The following FARP2 variants were observed in gnomAD, a reference collection of about 807,000 sequenced individuals.
The protein encoded by FARP2 is FERM, ARHGEF and pleckstrin domain-containing protein 2.
FARP2 carries 111 observed loss-of-function variants against 130.5 expected under a neutral mutation model. That is an observed-to-expected ratio of 0.85 (90% CI 0.73 to 1.00). The LOEUF is 1.00. Among genes scored for constraint, FARP2 ranks in the 50% least tolerant of loss-of-function variants. The pLI is 0.00. For synonymous variants in FARP2, 504 were observed against 516.9 expected, an observed-to-expected ratio of 0.98 and a Z score of 0.34; for missense variants, 1,385 against 1,346.3, an observed-to-expected ratio of 1.03 and a Z score of -0.45.
intron 17 of FARP2, 22 bp from the exon 18 acceptor site, chr2:241,468,118 C>T (rs754540124): frequency 1.3e-6 from 2 of 1,496,632 alleles, no homozygotes; most frequent in Admixed American, 1.7e-5. Context: ...CACCTAAAGG[C>T]CCCACTCTTG....
In FARP2 at chr2:241,476,206, C is replaced by A. The variant is rs907800868; in HGVS notation, c.2262+219C>A. 6.8e-4 allele frequency among the ~76,000 whole-genome samples: 85 copies of A among 124,198 alleles called. 1 individual carries two copies. The highest frequency in any genetic ancestry group is 2.3e-3 in the African/African-American group (74 of 32,502). The allele number at this position is 124,198 out of a possible 152,430, so 81.5% of individuals were successfully genotyped here. The stretch of plus-strand genomic sequence containing the variant: ...TGAGCAACACAGGGAAACCCCATTT[C>A]TATGAATTAAAAAAAAAAAAAAAAA... On this transcript the variant is annotated intron_variant, in intron 19 of 26. Transcript: ENST00000264042.
rs1211785904 is a variant in FARP2 at position 241,459,325 on chromosome 2, C to T, written c.1587+2403C>T. Among the ~76,000 whole-genome samples the T allele has an allele frequency of 6.6e-6, 1 of 152,220 alleles. No individual in the cohort carries two copies. Among genetic ancestry groups the T allele is most frequent in the African/African-American group, 2.4e-5 (1 of 41,474 alleles). On this transcript the variant is annotated intron_variant, in intron 14 of 26. Coordinates refer to ENST00000264042, the MANE Select transcript of FARP2 (RefSeq NM_014808.4). The surrounding 1 kb of genome is among the most constrained non-coding windows in gnomAD (Gnocchi z 5.3). The stretch of plus-strand genomic sequence containing the variant: ...GTTCTGCTGGCAAGGCCTGGCAGAC[C>T]ACTCTCCTGGGGAGCCAGGGTGACA...
At chr2:241,473,861 C>T (rs1357908603) in intron 18 of FARP2, among the ~76,000 whole-genome samples, 1 of 152,186 alleles carries the variant, frequency 6.6e-6, no homozygotes, top group East Asian at 1.9e-4. Context: ...TGAAGTTCTT[C>T]CTCATTTTCA....
intron 2 of FARP2, among the ~76,000 whole-genome samples, chr2:241,381,775 G>A (rs2061668755): frequency 1.3e-5 from 2 of 152,162 alleles, no homozygotes; most frequent in Non-Finnish European, 2.9e-5. Context: ...TATTTTTCAA[G>A]TTATATGATT....
intron 20 of FARP2, 21 bp downstream of exon 20, chr2:241,483,554 A>G: frequency 1.9e-6 from 3 of 1,610,088 alleles, no homozygotes; most frequent in Non-Finnish European, 2.6e-6. Flanking sequence ...TCCCCACTCA[A>G]GCTGTGCTTC....
chr2:241,432,467 A>G (rs2063118095), intron 9 of FARP2, among the ~76,000 whole-genome samples: 1 of 152,202 alleles, frequency 6.6e-6, no homozygotes, highest in Non-Finnish European at 1.5e-5. Context: ...GAAGCTGAAG[A>G]ACAAAGTGCT....
intron 21 of FARP2, 161 bp from the exon 22 acceptor site, chr2:241,489,801 C>A: frequency 1.7e-6 from 1 of 578,088 alleles, no homozygotes. Context: ...GCAGGGATAC[C>A]AGTGTCCTCC....
chr2:241,465,751 A>G, intron 17 of FARP2: 3 of 1,550,674 alleles, frequency 1.9e-6, no homozygotes, highest in Non-Finnish European at 2.6e-6. Context: ...CACAGTGACG[A>G]CGACGACTCA....
At position 241,418,857 on chromosome 2, in the gene FARP2, C is replaced by T. The variant is rs140685797; in HGVS notation, c.771+748C>T. Among the ~76,000 whole-genome samples the T allele has an allele frequency of 3.3e-3, 509 of 152,260 alleles. 1 individual carries two copies. Among genetic ancestry groups the T allele is most frequent in the Middle Eastern group, 0.031 (9 of 294 alleles). On this transcript the variant is annotated intron_variant, in intron 8 of 26. Transcript: ENST00000264042. ...GGGGGCTCCCCAAGTCCCCTCGCAC[C>T]CAGGCTAAATATGTCCAACTTGTCT...
intron 17 of FARP2, among the ~76,000 whole-genome samples, chr2:241,467,654 A>AAG: frequency 6.6e-6 from 1 of 152,084 alleles, no homozygotes; most frequent in East Asian, 1.9e-4. Context: ...AAAAAAAAAA[A>AAG]AAAAGTCAGG....
At chr2:241,427,233 C>T (rs1379972175) in intron 8 of FARP2, among the ~76,000 whole-genome samples, 2 of 150,514 alleles carry the variant, frequency 1.3e-5, no homozygotes, top group Admixed American at 6.6e-5. Context: ...GAAACTCTGT[C>T]TCAAAACACA....
intron 6 of FARP2, 144 bp from the exon 7 acceptor site, chr2:241,413,163 A>G (rs1231676198): frequency 1.8e-6 from 1 of 566,894 alleles, no homozygotes; most frequent in Non-Finnish European, 3.1e-6. Flanking sequence ...TGGAAAAATT[A>G]AATAAAAAAT....
intron 8 of FARP2, among the ~76,000 whole-genome samples, chr2:241,418,415 G>A (rs1219533967): frequency 6.6e-6 from 1 of 152,060 alleles, no homozygotes; most frequent in East Asian, 1.9e-4. Context: ...CTGCCTCTGG[G>A]ACTTCGCATT....
rs556893470 is a variant in FARP2 at position 241,492,916 on chromosome 2, C to G, written c.2788-13C>G. On this transcript the variant is annotated splice_polypyrimidine_tract_variant and intron_variant, in intron 24 of 26. Transcript: ENST00000264042. ...TGCTGGTTAATGCACCTGCATTTTT[C>G]CTTTATTGACAGAACCAGCTTTCAG... is the stretch of plus-strand genomic sequence containing the variant. The G allele has an allele frequency of 1.3e-6, 2 of 1,542,436 alleles. No individual in the cohort carries two copies. The highest frequency in any genetic ancestry group is 1.8e-6 in the Non-Finnish European group (2 of 1,115,122).
At chr2:241,434,602 A>T (rs2063172114) in intron 10 of FARP2, among the ~76,000 whole-genome samples, 1 of 152,250 alleles carries the variant, frequency 6.6e-6, no homozygotes, top group South Asian at 2.1e-4. Context: ...CTGTAATCCC[A>T]GCACTTTGGA....
chr2:241,422,413 A>T (rs115208812), intron 8 of FARP2, among the ~76,000 whole-genome samples: 3 of 151,930 alleles, frequency 2.0e-5, no homozygotes, highest in Non-Finnish European at 4.4e-5. Flanking sequence ...AAAAAAAAAA[A>T]CAGAAAACAA....
Position 241,491,586 on chromosome 2 carries a change from G to A in FARP2, c.2694G>A (p.Glu898=), listed in dbSNP as rs1002552506. The A allele has an allele frequency of 6.2e-7, 1 of 1,613,892 alleles. No individual in the cohort carries two copies. The highest frequency in any genetic ancestry group is 8.5e-7 in the Non-Finnish European group (1 of 1,180,008). Residue 898 remains glutamate (E), a synonymous_variant, in exon 24 of 27, where the codon GAG becomes GAA. Coordinates refer to ENST00000264042, the MANE Select transcript of FARP2 (RefSeq NM_014808.4). ...CTCGGGGTGTCCGCAGCTCCCTGGA[G>A]GGGCATGGCCAGCACCGGGCCAACA... ...DDARGVRSSL[E]GHGQHRANTT...
Position 241,363,950 on chromosome 2 carries a change from TG to T in FARP2, c.-25+7563del, listed in dbSNP as rs138601034. Among the ~76,000 whole-genome samples the T allele has an allele frequency of 2.6e-5, 4 of 152,344 alleles. No homozygotes were observed. In the East Asian group the frequency reaches 7.7e-4, roughly 29 times the overall value. On this transcript the variant is annotated intron_variant, in intron 1 of 26. Transcript: ENST00000264042. ...CAGGCTAAAGCTGAGGTGGTGCCTA[TG>T]TTGGAATTATCTGATAGACTGTGGT...
chr2:241,445,853 C>T (rs930876875), intron 13 of FARP2: 1 of 152,306 alleles, frequency 6.6e-6, no homozygotes, highest in Admixed American at 6.5e-5. Flanking sequence ...CAGGGCGCAT[C>T]AGGGGCTGCA....
Sources: allele counts gnomAD v4.1 joint callset (sites outside exome capture counted in the v4.1 genomes callset), GRCh38; gene constraint gnomAD v4.1.1; non-coding constraint Gnocchi (gnomAD v3.1); transcripts MANE v1.5; gene names NCBI Gene and HGNC (gene_info 2026-07-23, HGNC 2026-07-21).